The following RANBP2 variants were observed in gnomAD, a reference collection of about 807,000 sequenced individuals.
The protein encoded by RANBP2 is RAN binding protein 2, also known as E3 SUMO-protein ligase RanBP2.
RANBP2 carries 57 observed loss-of-function variants against 303.6 expected under a neutral mutation model. The ratio of observed to expected loss-of-function variants is 0.19; its 90% CI spans 0.15 to 0.23. RANBP2 has a LOEUF of 0.23. RANBP2 is among the 10% of genes least tolerant of loss of function. RANBP2 has a pLI of 1.00. For synonymous variants in RANBP2, 1,167 were observed against 1,301.5 expected, an observed-to-expected ratio of 0.90 and a Z score of 2.23; for missense variants, 3,138 against 3,780.8, an observed-to-expected ratio of 0.83 and a Z score of 4.46.
the RANBP2 span, among the ~76,000 whole-genome samples, chr2:109,351,163 C>T: frequency 6.6e-6 from 1 of 152,332 alleles, no homozygotes; most frequent in East Asian, 1.9e-4. Context: ...AATAAAAAGA[C>T]GACAGGCAGG....
the RANBP2 span, among the ~76,000 whole-genome samples, chr2:109,498,198 C>T: frequency 6.3e-4 from 96 of 152,326 alleles, no homozygotes; most frequent in African/African-American, 2.0e-3. Context: ...GGTTCGCCGG[C>T]AGATAGCCCA....
chr2:109,601,380 G>A, the RANBP2 span, among the ~76,000 whole-genome samples: 1 of 152,178 alleles, frequency 6.6e-6, no homozygotes, highest in Non-Finnish European at 1.5e-5. Flanking sequence ...AAACACAAGT[G>A]TATAAAAGGG....
chr2:109,142,045 G>C, the RANBP2 span, among the ~76,000 whole-genome samples: 1 of 147,582 alleles, frequency 6.8e-6, no homozygotes, highest in East Asian at 2.0e-4. Flanking sequence ...GAGTCTCCTG[G>C]GGGGGGGGTC....
chr2:108,987,375 A>G, the RANBP2 span, among the ~76,000 whole-genome samples: 1 of 152,320 alleles, frequency 6.6e-6, no homozygotes, highest in Non-Finnish European at 1.5e-5. Context: ...GGGTAAGACC[A>G]GGTCTGTCTG....
the RANBP2 span, among the ~76,000 whole-genome samples, chr2:109,089,744 T>C: frequency 5.3e-5 from 8 of 152,310 alleles, 1 homozygote; most frequent in South Asian, 1.5e-3. Context: ...AGTTCTTTGA[T>C]AGTTTTTGAG....
intron 5 of RANBP2, 116 bp from the exon 6 acceptor site, chr2:108,735,988 A>G: frequency 6.2e-7 from 1 of 1,602,498 alleles, no homozygotes; most frequent in Non-Finnish European, 8.5e-7. Context: ...CGATATAAAA[A>G]TCAATATAGT....
the RANBP2 span, among the ~76,000 whole-genome samples, chr2:109,641,270 C>A: frequency 4.6e-5 from 7 of 152,138 alleles, no homozygotes; most frequent in Non-Finnish European, 1.0e-4. Flanking sequence ...TCCCAAGTAG[C>A]TGGGATTACA....
At chr2:109,213,102 A>G in the RANBP2 span, among the ~76,000 whole-genome samples, 8 of 152,214 alleles carry the variant, frequency 5.3e-5, no homozygotes, top group South Asian at 2.1e-4. Context: ...AAGCAGTTGC[A>G]TCACTTTGGG....
At chr2:109,260,437 A>G in the RANBP2 span, among the ~76,000 whole-genome samples, 1 of 152,210 alleles carries the variant, frequency 6.6e-6, no homozygotes, top group Non-Finnish European at 1.5e-5. Context: ...TCAGGGCCAG[A>G]GAAAGGTGGA....
chr2:109,331,147 C>A, the RANBP2 span, among the ~76,000 whole-genome samples: 1,312 of 152,310 alleles, frequency 8.6e-3, 11 homozygotes, highest in South Asian at 0.03. Context: ...TTTCATTCTT[C>A]CCCATCCTTT....
At chr2:109,456,190 G>A in the RANBP2 span, among the ~76,000 whole-genome samples, 1 of 152,206 alleles carries the variant, frequency 6.6e-6, no homozygotes, top group East Asian at 1.9e-4. Flanking sequence ...GGCCACTTGT[G>A]CCTGGCAGCT....
chr2:109,720,409 G>A, the RANBP2 span, among the ~76,000 whole-genome samples: 19 of 151,850 alleles, frequency 1.3e-4, no homozygotes, highest in Non-Finnish European at 2.5e-4. Context: ...ATCACCTAAG[G>A]AGCTTTAAAA....
the RANBP2 span, among the ~76,000 whole-genome samples, chr2:109,143,656 A>C: frequency 6.6e-6 from 1 of 152,156 alleles, no homozygotes. Flanking sequence ...TAAGAGGCTG[A>C]GGTAGGAGGA....
the RANBP2 span, among the ~76,000 whole-genome samples, chr2:109,159,986 A>G: frequency 0.03 from 4,526 of 152,292 alleles, 210 homozygotes; most frequent in African/African-American, 0.1. Context: ...TGCACAATAA[A>G]TGTGATGCGC....
chr2:108,830,300 T>A, the RANBP2 span, among the ~76,000 whole-genome samples: 1 of 152,204 alleles, frequency 6.6e-6, no homozygotes, highest in African/African-American at 2.4e-5. Flanking sequence ...GAGTTTCATT[T>A]TGGCATTTTG....
chr2:108,984,307 G>A, the RANBP2 span, among the ~76,000 whole-genome samples: 2 of 152,262 alleles, frequency 1.3e-5, no homozygotes, highest in African/African-American at 4.8e-5. Context: ...GCGTGGCATG[G>A]GATGGGGTGG....
the RANBP2 span, among the ~76,000 whole-genome samples, chr2:109,056,176 G>C: frequency 1.3e-5 from 2 of 151,744 alleles, no homozygotes; most frequent in Non-Finnish European, 2.9e-5. Context: ...GGGGAAGACA[G>C]GGTCTTGCTC....
chr2:109,577,633 G>A, the RANBP2 span, among the ~76,000 whole-genome samples: 19 of 150,650 alleles, frequency 1.3e-4, no homozygotes, highest in African/African-American at 3.4e-4. Context: ...GAGAGAACTC[G>A]GTCGGATAGT....
At chr2:109,283,293 T>C in the RANBP2 span, among the ~76,000 whole-genome samples, 1 of 152,120 alleles carries the variant, frequency 6.6e-6, no homozygotes, top group African/African-American at 2.4e-5. Context: ...CTGTTCCCAC[T>C]CCCCACTTGT....
Sources: allele counts gnomAD v4.1 joint callset (sites outside exome capture counted in the v4.1 genomes callset), GRCh38; gene constraint gnomAD v4.1.1; transcripts MANE v1.5; gene names NCBI Gene and HGNC (gene_info 2026-07-23, HGNC 2026-07-21).